Variants in PCDHA6 observed in about 807,000 individuals in gnomAD.
The protein encoded by PCDHA6 is protocadherin alpha-6.
PCDHA6 carries 55 observed loss-of-function variants against 60.3 expected under a neutral mutation model. The observed-to-expected ratio is 0.91, with a 90% confidence interval of 0.73 to 1.14. The LOEUF is 1.14. Among genes scored for constraint, PCDHA6 ranks in the 50% most tolerant of loss-of-function variants. The probability of loss-of-function intolerance (pLI) is 0.00; values close to 1 mark genes in which losing one functional copy is unlikely to be tolerated. For synonymous variants in PCDHA6, 652 were observed against 557.9 expected (o/e 1.17, Z -2.38); for missense variants, 1,327 against 1,256.5 (o/e 1.06, Z -0.85).
chr5:140,886,317 G>A (rs1323122893), intron 1 of PCDHA6, among the ~76,000 whole-genome samples: 2 of 151,612 alleles, frequency 1.3e-5, no homozygotes, highest in Non-Finnish European at 2.9e-5. Context: ...TACACTTTAA[G>A]TTCTGGGATA....
chr5:140,930,822 G>A (rs1338942917), intron 1 of PCDHA6, among the ~76,000 whole-genome samples: 2 of 152,140 alleles, frequency 1.3e-5, no homozygotes, highest in Non-Finnish European at 2.9e-5. Context: ...CTTAGTAAAT[G>A]CTGACTGAAT....
At chr5:140,857,890 G>A in intron 1 of PCDHA6, 3 of 1,597,852 alleles carry the variant, frequency 1.9e-6, no homozygotes, top group Non-Finnish European at 2.6e-6. Context: ...AGTCGGCGGC[G>A]GTTGGTGCAC....
chr5:140,947,549 C>T (rs530708816), intron 1 of PCDHA6, among the ~76,000 whole-genome samples: 11 of 151,312 alleles, frequency 7.3e-5, no homozygotes, highest in Admixed American at 2.0e-4. Context: ...CAAAGAATTC[C>T]GCTGGGATTT....
intron 1 of PCDHA6, chr5:140,842,708 T>C (rs2150342617): frequency 6.3e-7 from 1 of 1,595,018 alleles, no homozygotes; most frequent in African/African-American, 1.3e-5. Context: ...GTACACGGTG[T>C]TCGTGAAGGA....
chr5:140,883,532 G>C, intron 1 of PCDHA6: 2 of 1,614,220 alleles, frequency 1.2e-6, no homozygotes, highest in Non-Finnish European at 1.7e-6. Context: ...ATCAGCCTAT[G>C]AACTGGTGGT....
chr5:140,980,229 T>C (rs2096881022), intron 2 of PCDHA6, among the ~76,000 whole-genome samples: 1 of 152,232 alleles, frequency 6.6e-6, no homozygotes, highest in South Asian at 2.1e-4. Flanking sequence ...TCTGAGCTGT[T>C]GGTGGAGACA....
Position 140,827,967 on chromosome 5 carries a change from C to A in PCDHA6, c.-125C>A, listed in dbSNP as rs1278523381. 1.5e-6 allele frequency: 2 copies of A among 1,351,286 alleles called. No individual in the cohort carries two copies. Among genetic ancestry groups the A allele is most frequent in the African/African-American group, 2.9e-5 (2 of 68,630 alleles). The allele number at this position is 1,351,286 out of a possible 1,614,324, so 83.7% of individuals were successfully genotyped here. A position where few individuals can be genotyped will look rare whatever the true frequency, so the allele number is the denominator to read the frequency against. On this transcript the variant is annotated 5_prime_UTR_variant, in exon 1 of 4. Transcript: ENST00000529310. ...AACATTCAAATTTCTTCTATTACTG[C>A]ATCATTCCCTGACTGTTGAATGATG... is the stretch of plus-strand genomic sequence containing the variant.
At chr5:140,860,913 A>G (rs1423371903) in intron 1 of PCDHA6, 5 of 152,086 alleles carry the variant, frequency 3.3e-5, no homozygotes, top group African/African-American at 9.7e-5. Flanking sequence ...AATTTTTTGT[A>G]TTTTTAGTAG....
chr5:140,968,994 G>A lies in PCDHA6; in HGVS notation c.2395-9955G>A. 6.2e-7 allele frequency: 1 copy of A among 1,614,216 alleles called. No individual in the cohort carries two copies. The highest frequency in any genetic ancestry group is 8.5e-7 in the Non-Finnish European group (1 of 1,180,038). On this transcript the variant is annotated intron_variant, in intron 1 of 3. Transcript: ENST00000529310. ...ACTGCGTATGGCACTGCATGCTGTG[G>A]AGGCTTCTGTGGAGTAAGGGAAAGG...
rs982709387 is a variant in PCDHA6, at chr5:141,003,306, C to T, written c.2543-6321C>T. ...TGGATTATAGGATTACATGAAGTGG[C>T]CAGCTACTTCCAGAGGGCAGGGTTT... On this transcript the variant is annotated intron_variant, in intron 3 of 3. Coordinates refer to ENST00000529310, the MANE Select transcript of PCDHA6 (RefSeq NM_018909.4). 1.7e-4 allele frequency among the ~76,000 whole-genome samples: 26 copies of T among 152,276 alleles called. No homozygotes were observed. In the East Asian group the frequency reaches 4.1e-3, roughly 24 times the overall value.
chr5:140,933,645 G>A lies in PCDHA6; in HGVS notation c.2395-45304G>A, dbSNP rs1014286392. Among the ~76,000 whole-genome samples the A allele has an allele frequency of 3.3e-5, 5 of 151,892 alleles. No individual in the cohort carries two copies. The South Asian group carries it at 8.3e-4, about 25-fold the overall frequency. On this transcript the variant is annotated intron_variant, in intron 1 of 3. Transcript: ENST00000529310. ...TAGGCTGGCCCTGTTAAACAAGTTG[G>A]AAATCCTGTCTCTCTCTCTGTCTCT...
chr5:140,983,777 A>G (rs947937417), intron 3 of PCDHA6, among the ~76,000 whole-genome samples: 1 of 152,256 alleles, frequency 6.6e-6, no homozygotes, highest in Non-Finnish European at 1.5e-5. Context: ...ATCTACATAC[A>G]TAACAGATGA....
At chr5:140,921,091 C>G (rs893367475) in intron 1 of PCDHA6, among the ~76,000 whole-genome samples, 1 of 152,022 alleles carries the variant, frequency 6.6e-6, no homozygotes, top group Admixed American at 6.5e-5. Flanking sequence ...GAGAATCCTC[C>G]TGCCTCAGTC....
intron 1 of PCDHA6, among the ~76,000 whole-genome samples, chr5:140,886,068 GC>G (rs1462692271): frequency 5.3e-5 from 8 of 152,098 alleles, no homozygotes; most frequent in African/African-American, 9.7e-5. Context: ...AAAGCGTAGG[GC>G]CATACCACAA....
chr5:140,858,147 T>C, intron 1 of PCDHA6: 1 of 1,597,630 alleles, frequency 6.3e-7, no homozygotes, highest in Non-Finnish European at 8.6e-7. Flanking sequence ...TACCTGATCA[T>C]CGCCATCTGC....
rs1554149566 is a variant in PCDHA6 at position 140,857,139 on chromosome 5, T to C, written c.2394+26654T>C. ...CTCCCAGTGAAAGAAGATGCTCAAG[T>C]GGGCACCGTCATTGCCCTAATCAGC... On this transcript the variant is annotated intron_variant, in intron 1 of 3. Transcript: ENST00000529310. 4 of 1,598,152 alleles carry C rather than the reference T, an allele frequency of 2.5e-6. 1 individual carries two copies. The highest frequency in any genetic ancestry group is 1.7e-5 in the Admixed American group (1 of 59,246).
chr5:140,877,782 GGCCTTCAGCCCAA>G, intron 1 of PCDHA6: 1 of 1,614,154 alleles, frequency 6.2e-7, no homozygotes, highest in Non-Finnish European at 8.5e-7. Context: ...CGGACCTCAT[GGCCTTCAGCCCAA>G]GCCTTCAGCT....
chr5:140,919,694 ATTAAC>A (rs1313954013), intron 1 of PCDHA6, among the ~76,000 whole-genome samples: 5 of 152,200 alleles, frequency 3.3e-5, no homozygotes, highest in Non-Finnish European at 7.3e-5. Context: ...TCAGATTTAT[ATTAAC>A]TTAATTCTAG....
intron 1 of PCDHA6, chr5:140,877,053 G>A: frequency 1.9e-6 from 3 of 1,612,784 alleles, no homozygotes; most frequent in African/African-American, 1.3e-5. Context: ...ACCACGAGGA[G>A]CTGGAGCTGC....
Sources: gnomAD v4.1 joint callset for allele counts (sites outside exome capture counted in the v4.1 genomes callset) on GRCh38, gnomAD v4.1.1 for gene constraint, MANE v1.5 for transcripts, NCBI Gene and HGNC (gene_info 2026-07-23, HGNC 2026-07-21) for gene names.